GALNT2: variants seen among roughly 807,000 people sequenced by gnomAD.
The protein encoded by GALNT2 is polypeptide N-acetylgalactosaminyltransferase 2.
Under a neutral mutation model 81.4 loss-of-function variants are expected in GALNT2, and 31 were observed. That is an observed-to-expected ratio of 0.38 (90% CI 0.29 to 0.51). The LOEUF is 0.51. GALNT2 is among the 20% of genes least tolerant of loss of function. GALNT2 has a pLI of 0.87. For synonymous variants in GALNT2, 303 were observed against 287.4 expected, an observed-to-expected ratio of 1.05 and a Z score of -0.55; for missense variants, 629 against 765.7, an observed-to-expected ratio of 0.82 and a Z score of 2.11.
intron 1 of GALNT2, among the ~76,000 whole-genome samples, chr1:230,069,249 G>C (rs1209397600): frequency 8.3e-5 from 12 of 144,044 alleles, no homozygotes; most frequent in Non-Finnish European, 7.4e-5. Context: ...TGAAGTGTGT[G>C]ATTCTTAGTT....
intron 11 of GALNT2, chr1:230,262,247 CCTT>C (rs1220894514): frequency 7.5e-6 from 2 of 266,870 alleles, no homozygotes; most frequent in Non-Finnish European, 7.0e-6. Flanking sequence ...TTTCTTTTGT[CCTT>C]CTTTAAGATA....
chr1:230,141,126 C>T (rs1428566385), intron 1 of GALNT2, among the ~76,000 whole-genome samples: 1 of 152,188 alleles, frequency 6.6e-6, no homozygotes, highest in East Asian at 1.9e-4. Context: ...TGAATTGGAT[C>T]ACCCCACAGG....
intron 3 of GALNT2, among the ~76,000 whole-genome samples, chr1:230,224,911 C>T (rs1002166383): frequency 6.6e-6 from 1 of 152,214 alleles, no homozygotes; most frequent in Non-Finnish European, 1.5e-5. Flanking sequence ...CAGAAGCCTG[C>T]GGTATTCAAG....
intron 1 of GALNT2, among the ~76,000 whole-genome samples, chr1:230,069,703 C>CA (rs527378285): frequency 0.63 from 93,786 of 149,500 alleles, 33,323 homozygotes; most frequent in Non-Finnish European, 0.79. Context: ...ATTCTCATAC[C>CA]AAAAAAAAAA....
chr1:230,147,656 T>C (rs1661962120), intron 1 of GALNT2, among the ~76,000 whole-genome samples: 1 of 152,246 alleles, frequency 6.6e-6, no homozygotes, highest in South Asian at 2.1e-4. Flanking sequence ...GCTAGTGGTG[T>C]GGCCACATTC....
At position 230,279,899 on chromosome 1, in the gene GALNT2, G is replaced by A. The variant is rs928733434; in HGVS notation, c.*441G>A. ...CCATTTTCAATCCCTTCGAAATCAC[G>A]TATGGTTTCCACAAAGCCGAGTCGT... On this transcript the variant is annotated 3_prime_UTR_variant, in exon 16 of 16. Coordinates refer to ENST00000366672, the MANE Select transcript of GALNT2 (RefSeq NM_004481.5). This position sits in a 1 kb window ranked among gnomAD's most constrained non-coding sequence, Gnocchi z 4.6. The A allele has an allele frequency of 7.6e-5, 35 of 457,828 alleles. No individual in the cohort carries two copies. Among genetic ancestry groups the A allele is most frequent in the Middle Eastern group, 3.2e-4 (1 of 3,092 alleles). 28.4% of individuals were successfully genotyped at this position (457,828 alleles called of 1,614,324 possible). A position where few individuals can be genotyped will look rare whatever the true frequency, so the allele number is the denominator to read the frequency against.
At position 230,280,268 on chromosome 1, in the gene GALNT2, G is replaced by A; in HGVS notation, c.*810G>A. 1 of 318,708 alleles carries A rather than the reference G, an allele frequency of 3.1e-6. No individual in the cohort carries two copies. Among genetic ancestry groups the A allele is most frequent in the Non-Finnish European group, 6.2e-6 (1 of 160,478 alleles). The allele number at this position is 318,708 out of a possible 1,614,324, so 19.7% of individuals were successfully genotyped here. On this transcript the variant is annotated 3_prime_UTR_variant, in exon 16 of 16. Coordinates refer to ENST00000366672, the MANE Select transcript of GALNT2 (RefSeq NM_004481.5). ...GTGCTACTGCTGTGGCCAGCTGGGGGGCTTCCTCCAGACCACCGGCCTCGG... is the reference window on the plus strand; with the variant it reads ...GTGCTACTGCTGTGGCCAGCTGGGGAGCTTCCTCCAGACCACCGGCCTCGG...
intron 1 of GALNT2, among the ~76,000 whole-genome samples, chr1:230,127,016 G>A (rs1031163324): frequency 2.7e-4 from 41 of 152,126 alleles, no homozygotes; most frequent in African/African-American, 9.7e-4. Context: ...GAATGGAGGT[G>A]GGGGGAGCGT....
upstream of GALNT2, among the ~76,000 whole-genome samples, chr1:230,065,114 G>C (rs937693880): frequency 2.0e-5 from 3 of 151,622 alleles, no homozygotes; most frequent in South Asian, 6.2e-4. Flanking sequence ...TGTACTTTAG[G>C]GACTCCACTT....
chr1:230,260,029 A>G lies in GALNT2; in HGVS notation c.1137-2544A>G, dbSNP rs531543544. ...AGTTTAGACGTTAGAAGTTAGATGG[A>G]GTCAGTCAGGTCAGATGCCTTAAAC... On this transcript the variant is annotated intron_variant, in intron 11 of 15. Coordinates refer to ENST00000366672, the MANE Select transcript of GALNT2 (RefSeq NM_004481.5). 5.9e-5 allele frequency among the ~76,000 whole-genome samples: 9 copies of G among 152,330 alleles called. No homozygotes were observed. In the East Asian group the frequency reaches 1.7e-3, roughly 29 times the overall value.
Position 230,110,432 on chromosome 1 carries a change from G to A in GALNT2, c.126+43026G>A, listed in dbSNP as rs1440599187. 2.6e-5 allele frequency among the ~76,000 whole-genome samples: 4 copies of A among 152,302 alleles called. No homozygotes were observed. The East Asian group carries it at 5.8e-4, about 22-fold the overall frequency. ...CTGTCACATGAGGACAGGGCGTGGG[G>A]TGGCTCAAGCATGGCCGCTTGGGGT... On this transcript the variant is annotated intron_variant, in intron 1 of 15. Coordinates refer to ENST00000366672, the MANE Select transcript of GALNT2 (RefSeq NM_004481.5).
At chr1:230,163,896 C>T (rs374639658) in intron 1 of GALNT2, among the ~76,000 whole-genome samples, 7 of 152,258 alleles carry the variant, frequency 4.6e-5, no homozygotes, top group East Asian at 1.9e-4. Flanking sequence ...CACATGGACA[C>T]GGGGTCAGTC....
intron 1 of GALNT2, among the ~76,000 whole-genome samples, chr1:230,131,683 G>T (rs948135020): frequency 6.6e-6 from 1 of 152,208 alleles, no homozygotes; most frequent in African/African-American, 2.4e-5. Context: ...GTTCGGTTTG[G>T]TAACAAGCCC....
At chr1:230,075,410 C>T (rs907753250) in intron 1 of GALNT2, among the ~76,000 whole-genome samples, 26 of 152,246 alleles carry the variant, frequency 1.7e-4, no homozygotes, top group Non-Finnish European at 2.9e-4. Flanking sequence ...CGTGAGCCAC[C>T]GTGCCCGGCT....
intron 14 of GALNT2, among the ~76,000 whole-genome samples, chr1:230,270,673 C>A (rs1223586287): frequency 6.6e-6 from 1 of 151,988 alleles, no homozygotes; most frequent in African/African-American, 2.4e-5. Context: ...GGATGAGAAA[C>A]GAGAGGGTAA....
intron 3 of GALNT2, among the ~76,000 whole-genome samples, chr1:230,210,572 T>C (rs1377357489): frequency 6.6e-6 from 1 of 152,262 alleles, no homozygotes; most frequent in Non-Finnish European, 1.5e-5. Context: ...GTCCAAGTTG[T>C]ACATCTAATC....
chr1:230,201,091 A>G (rs954415879), intron 2 of GALNT2, among the ~76,000 whole-genome samples: 1 of 152,214 alleles, frequency 6.6e-6, no homozygotes, highest in Non-Finnish European at 1.5e-5. Context: ...GGGTGAAGGC[A>G]GGAAGATGAG....
At chr1:230,143,939 T>C (rs1374247601) in intron 1 of GALNT2, among the ~76,000 whole-genome samples, 1 of 152,256 alleles carries the variant, frequency 6.6e-6, no homozygotes, top group Non-Finnish European at 1.5e-5. Context: ...TTGCTAACTT[T>C]TAAATTCTAA....
chr1:230,165,427 T>A (rs986221122), intron 1 of GALNT2, among the ~76,000 whole-genome samples: 1 of 152,260 alleles, frequency 6.6e-6, no homozygotes, highest in Non-Finnish European at 1.5e-5. Flanking sequence ...TAAATAATGC[T>A]GCAGTATTTG....
Sources: allele counts gnomAD v4.1 joint callset (sites outside exome capture counted in the v4.1 genomes callset), GRCh38; gene constraint gnomAD v4.1.1; non-coding constraint Gnocchi (gnomAD v3.1); transcripts MANE v1.5; gene names NCBI Gene and HGNC (gene_info 2026-07-23, HGNC 2026-07-21).